KCNH1: variants seen among roughly 807,000 people sequenced by gnomAD.
The protein encoded by KCNH1 is potassium voltage-gated channel subfamily H member 1, also known as voltage-gated delayed rectifier potassium channel KCNH1.
KCNH1 carries 27 observed loss-of-function variants against 69.2 expected under a neutral mutation model. The observed-to-expected ratio is 0.39, with a 90% CI of 0.29 to 0.54. The LOEUF (loss-of-function observed/expected upper bound fraction) is 0.54. Ranked by LOEUF, KCNH1 falls within the 20% of genes least tolerant of loss-of-function variation. The pLI, the probability that KCNH1 is intolerant of heterozygous loss-of-function variation, is 0.68. For missense variants in KCNH1, 798 were observed against 1,261.6 expected (o/e 0.63, Z 5.57); for synonymous variants, 456 against 487.7 (o/e 0.93, Z 0.86).
At chr1:210,736,102 C>CA (rs1682873597) in intron 10 of KCNH1, among the ~76,000 whole-genome samples, 1 of 152,082 alleles carries the variant, frequency 6.6e-6, no homozygotes, top group Non-Finnish European at 1.5e-5. Flanking sequence ...CAGTCATCCA[C>CA]AGGCACAATC....
intron 6 of KCNH1, among the ~76,000 whole-genome samples, chr1:210,982,975 G>A (rs934537972): frequency 3.9e-5 from 6 of 152,202 alleles, no homozygotes; most frequent in African/African-American, 9.7e-5. Context: ...ACTGGTGTGC[G>A]ATAGTAACTC....
chr1:210,969,245 T>C (rs2102365026), intron 6 of KCNH1, among the ~76,000 whole-genome samples: 1 of 152,164 alleles, frequency 6.6e-6, no homozygotes, highest in South Asian at 2.1e-4. Context: ...ACACCATGCT[T>C]ATGTGTTTTG....
intron 6 of KCNH1, among the ~76,000 whole-genome samples, chr1:210,972,359 C>G (rs922534432): frequency 5.9e-5 from 9 of 152,204 alleles, no homozygotes; most frequent in Admixed American, 2.0e-4. Context: ...GACTTTAATT[C>G]TGTCCCACTC....
intron 6 of KCNH1, among the ~76,000 whole-genome samples, chr1:210,998,479 G>A (rs147606348): frequency 3.4e-4 from 52 of 152,256 alleles, no homozygotes; most frequent in African/African-American, 1.2e-3. Context: ...AAATATATAT[G>A]CATCCAACAC....
intron 5 of KCNH1, among the ~76,000 whole-genome samples, chr1:211,048,481 A>G (rs1418461684): frequency 1.3e-5 from 2 of 151,828 alleles, no homozygotes; most frequent in South Asian, 2.1e-4. Context: ...GTGTATATAC[A>G]TATATACATA....
intron 6 of KCNH1, among the ~76,000 whole-genome samples, chr1:211,016,633 G>C (rs1689496039): frequency 6.6e-6 from 1 of 152,042 alleles, no homozygotes. Context: ...TGTGGGCCAG[G>C]AGTGGTGGCT....
intron 9 of KCNH1, among the ~76,000 whole-genome samples, chr1:210,796,195 A>G (rs1684312137): frequency 6.6e-6 from 1 of 152,024 alleles, no homozygotes; most frequent in African/African-American, 2.4e-5. Context: ...CAGTATTACA[A>G]AATGGATTGA....
intron 7 of KCNH1, among the ~76,000 whole-genome samples, chr1:210,823,964 C>CTTT (rs145869968): frequency 5.3e-5 from 3 of 56,288 alleles, no homozygotes; most frequent in Non-Finnish European, 9.8e-5. Context: ...GGCTTTTTTA[C>CTTT]TTGTTGTTGT....
chr1:211,129,914 A>G (rs1691846541), intron 1 of KCNH1, among the ~76,000 whole-genome samples: 1 of 152,232 alleles, frequency 6.6e-6, no homozygotes, highest in South Asian at 2.1e-4. Context: ...ATGGATTTTT[A>G]CTGGCACCTA....
At chr1:211,114,931 T>G (rs550891759) in intron 1 of KCNH1, among the ~76,000 whole-genome samples, 13 of 152,238 alleles carry the variant, frequency 8.5e-5, no homozygotes, top group Admixed American at 2.6e-4. Flanking sequence ...ATTCTTTTTT[T>G]GGGGGGTGTG....
At chr1:210,883,950 C>A (rs552374865) in intron 7 of KCNH1, among the ~76,000 whole-genome samples, 1 of 152,342 alleles carries the variant, frequency 6.6e-6, no homozygotes, top group South Asian at 2.1e-4. Context: ...CTGAGGCAAA[C>A]CTCTTCCTCC....
At chr1:210,939,473 C>A (rs560677063) in intron 6 of KCNH1, among the ~76,000 whole-genome samples, 1 of 152,230 alleles carries the variant, frequency 6.6e-6, no homozygotes, top group African/African-American at 2.4e-5. Context: ...ATGTTCCAGA[C>A]AGAAGGATCA....
chr1:210,688,260 T>C (rs183420399), intron 10 of KCNH1, among the ~76,000 whole-genome samples: 1 of 152,314 alleles, frequency 6.6e-6, no homozygotes, highest in African/African-American at 2.4e-5. Context: ...CTCTCTGTAT[T>C]TGTGTATAGC....
At chr1:211,015,516 C>T (rs12042686) in intron 6 of KCNH1, among the ~76,000 whole-genome samples, 1 of 151,958 alleles carries the variant, frequency 6.6e-6, no homozygotes, top group African/African-American at 2.4e-5. Context: ...TCCCACCCCC[C>T]ACCTTGTTTT....
chr1:211,015,588 T>C (rs1689477589), intron 6 of KCNH1, among the ~76,000 whole-genome samples: 1 of 152,154 alleles, frequency 6.6e-6, no homozygotes, highest in Non-Finnish European at 1.5e-5. Flanking sequence ...TACAATAAGC[T>C]TCTGGAGGTA....
At chr1:211,079,305 T>G (rs1326599474) in intron 5 of KCNH1, among the ~76,000 whole-genome samples, 1 of 152,130 alleles carries the variant, frequency 6.6e-6, no homozygotes. Context: ...TAACAGGATC[T>G]GAAATTGAGG....
intron 3 of KCNH1, among the ~76,000 whole-genome samples, chr1:211,096,336 T>C (rs1036575301): frequency 1.3e-5 from 2 of 152,058 alleles, no homozygotes; most frequent in Non-Finnish European, 2.9e-5. Flanking sequence ...AGTGCTGTGA[T>C]TACAGGTGTG....
chr1:211,127,113 C>T (rs1691790211), intron 1 of KCNH1, among the ~76,000 whole-genome samples: 1 of 152,192 alleles, frequency 6.6e-6, no homozygotes, highest in Non-Finnish European at 1.5e-5. Flanking sequence ...GACCCAGCAT[C>T]ACAAAAGCTG....
chr1:210,751,945 T>G (rs1442979758), intron 10 of KCNH1, among the ~76,000 whole-genome samples: 1 of 152,024 alleles, frequency 6.6e-6, no homozygotes, highest in African/African-American at 2.4e-5. Flanking sequence ...CAGCTGGATG[T>G]AGACTGAGGA....
Sources: allele counts gnomAD v4.1 joint callset (sites outside exome capture counted in the v4.1 genomes callset), GRCh38; gene constraint gnomAD v4.1.1; transcripts MANE v1.5; gene names NCBI Gene and HGNC (gene_info 2026-07-23, HGNC 2026-07-21).